The following CER1 variants were observed in gnomAD, a reference collection of about 807,000 sequenced individuals.
CER1 encodes cerberus.
In CER1, 10 loss-of-function variants were observed where a neutral mutation model predicts 11.8. The ratio of observed to expected loss-of-function variants is 0.85; its 90% CI spans 0.52 to 1.44. The LOEUF (loss-of-function observed/expected upper bound fraction) is 1.44, where lower values mean the gene tolerates loss of function less well. CER1 is among the 40% of genes most tolerant of loss of function. CER1 has a pLI of 0.00. For synonymous variants in CER1, 141 were observed against 122.3 expected, an observed-to-expected ratio of 1.15 and a Z score of -1.01; for missense variants, 431 against 327.0, an observed-to-expected ratio of 1.32 and a Z score of -2.45.
intron 1 of CER1, 89 bp from the exon 2 acceptor site, chr9:14,720,475 T>G (rs1253157290): frequency 5.4e-5 from 71 of 1,316,400 alleles, no homozygotes; most frequent in Non-Finnish European, 7.2e-5. Context: ...AATCTGAGGA[T>G]AATTTAAAAA....
downstream of CER1, among the ~76,000 whole-genome samples, chr9:14,719,485 T>G (rs1281391854): frequency 6.6e-6 from 1 of 152,064 alleles, no homozygotes; most frequent in Non-Finnish European, 1.5e-5. Context: ...TGAGAATCTT[T>G]CCTACAAATA....
At chr9:14,719,443 C>G (rs1839973539), downstream of CER1, among the ~76,000 whole-genome samples, 1 of 152,136 alleles carries the variant, frequency 6.6e-6, no homozygotes, top group African/African-American at 2.4e-5. Context: ...TCAAGTAAAA[C>G]ACTGTTTGGG....
chr9:14,717,434 G>A (rs569029639), downstream of CER1, among the ~76,000 whole-genome samples: 8 of 152,184 alleles, frequency 5.3e-5, no homozygotes, highest in East Asian at 1.5e-3. Context: ...AAAAATAGAA[G>A]GTCTGAACGG....
chr9:14,719,812 C>T lies in CER1; in HGVS notation c.*278G>A, dbSNP rs1839982397. ...TAGTGGAAAGGATTTTAGCAATCAT[C>T]TAGGTCGGGTCCGTCATTTATAGAT... On this transcript the variant is annotated 3_prime_UTR_variant, in exon 2 of 2. Transcript: ENST00000380911. 5.4e-6 allele frequency: 2 copies of T among 371,374 alleles called. No homozygotes were observed. The highest frequency in any genetic ancestry group is 1.0e-5 in the Non-Finnish European group (2 of 198,960). The allele number at this position is 371,374 out of a possible 1,614,324, so 23.0% of individuals were successfully genotyped here. A position where few individuals can be genotyped will look rare whatever the true frequency, so the allele number is the denominator to read the frequency against.
At position 14,720,130 on chromosome 9, in the gene CER1, G is replaced by T. The variant is rs1563780336; in HGVS notation, c.764C>A (p.Ala255Asp). Reference sequence around the variant, plus strand: ...TGGGATAAAGGAATCCTGGGAGCCAGCATGTAGGATGTGTCCATCTTCATG... The same window carrying T: ...TGGGATAAAGGAATCCTGGGAGCCATCATGTAGGATGTGTCCATCTTCATG... ...TEHEDGHILH[A>D]GSQDSFIPGV... The change falls in exon 2 of 2, where the codon GCT (alanine) becomes GAT (aspartate). Residue 255 changes from alanine to aspartate, a missense_variant. Ala to Asp is a moderately radical substitution (Grantham distance 126, BLOSUM62 -2). Coordinates refer to ENST00000380911, the MANE Select transcript of CER1 (RefSeq NM_005454.3). 4 of 1,614,086 alleles carry T rather than the reference G, an allele frequency of 2.5e-6. No individual in the cohort carries two copies. The highest frequency in any genetic ancestry group is 3.3e-4 in the Middle Eastern group (2 of 6,062).
rs1839984040 is a variant in CER1 at position 14,719,937 on chromosome 9, T to A, written c.*153A>T. On this transcript the variant is annotated 3_prime_UTR_variant, in exon 2 of 2. Transcript: ENST00000380911. The stretch of plus-strand genomic sequence containing the variant: ...CTCAAACGTGTACCAATAACTAGAC[T>A]AATATCATTTCCTCTATCGTTCTAA... The A allele has an allele frequency of 6.0e-6, 4 of 668,342 alleles. No homozygotes were observed. Among genetic ancestry groups the A allele is most frequent in the Non-Finnish European group, 1.0e-5 (4 of 392,644 alleles). 41.4% of individuals were successfully genotyped at this position (668,342 alleles called of 1,614,324 possible). A position where few individuals can be genotyped will look rare whatever the true frequency, so the allele number is the denominator to read the frequency against.
At chr9:14,718,333 G>C (rs577178340), downstream of CER1, among the ~76,000 whole-genome samples, 1 of 152,288 alleles carries the variant, frequency 6.6e-6, no homozygotes, top group Admixed American at 6.5e-5. Flanking sequence ...CATGACAGCT[G>C]TTTGATAGCT....
Position 14,720,281 on chromosome 9 carries a change from A to T in CER1, c.613T>A (p.Ser205Thr). ...TTGGCAGGCAAACAGTGAGAGCAGGAGGTATGGGAGTGCTGCGCGGCTCCA... is the reference window on the plus strand; with the variant it reads ...TTGGCAGGCAAACAGTGAGAGCAGGTGGTATGGGAGTGCTGCGCGGCTCCA... ...FPGAAQHSHT[S>T]CSHCLPAKFT... Residue 205 changes from serine (S) to threonine (T), a missense_variant, in exon 2 of 2, where the codon TCC (serine) becomes ACC (threonine). Transcript: ENST00000380911. 1 of 1,614,122 alleles carries T rather than the reference A, an allele frequency of 6.2e-7. No individual in the cohort carries two copies. The highest frequency in any genetic ancestry group is 1.7e-5 in the Admixed American group (1 of 60,018).
downstream of CER1, among the ~76,000 whole-genome samples, chr9:14,717,394 G>A (rs1563779348): frequency 6.6e-6 from 1 of 151,966 alleles, no homozygotes; most frequent in Non-Finnish European, 1.5e-5. Flanking sequence ...GCGCTTTTCC[G>A]TGTGTTTTCA....
intron 1 of CER1, among the ~76,000 whole-genome samples, chr9:14,721,812 A>G (rs562954869): frequency 1.3e-5 from 2 of 152,298 alleles, no homozygotes; most frequent in African/African-American, 4.8e-5. Flanking sequence ...TGATTACTCT[A>G]AATTCTCAGT....
In CER1 at chr9:14,722,501, C is replaced by G; in HGVS notation, c.172G>C (p.Val58Leu). The stretch of plus-strand genomic sequence containing the variant: ...GTGGCTACAAGGTGTGGCACTGCGA[C>G]AAACAGATCTGGCTTCTCCTCAGCT... ...EEAEEKPDLF[V>L]AVPHLVATSP... is the part of the protein sequence containing the mutation. Residue 58 changes from valine to leucine, a missense_variant, in exon 1 of 2, where the codon GTC becomes CTC. Coordinates refer to ENST00000380911, the MANE Select transcript of CER1 (RefSeq NM_005454.3). The G allele has an allele frequency of 6.2e-7, 1 of 1,614,212 alleles. No homozygotes were observed. The highest frequency in any genetic ancestry group is 1.1e-5 in the South Asian group (1 of 91,080).
At chr9:14,717,766 T>A (rs561387124), downstream of CER1, among the ~76,000 whole-genome samples, 13 of 152,318 alleles carry the variant, frequency 8.5e-5, no homozygotes, top group African/African-American at 3.1e-4. Flanking sequence ...GAGTTCAATA[T>A]AAACTGACAA....
rs138557355 is a variant in CER1, at chr9:14,722,328, C to T, written c.345G>A (p.Pro115=). 2.2e-5 allele frequency: 35 copies of T among 1,614,024 alleles called. No individual in the cohort carries two copies. The highest frequency in any genetic ancestry group is 3.3e-4 in the Middle Eastern group (2 of 6,084). ...ATTTCTCCATTTTCATTCCATCTAT[C>T]GGCTGGATGAGGGACTGGGTCCCAG... is the stretch of plus-strand genomic sequence containing the variant. ...FPPGTQSLIQ[P]IDGMKMEKSP... is the part of the protein sequence containing the mutation. The change falls in exon 1 of 2, where the codon CCG becomes CCA. Residue 115 remains proline (P), a synonymous_variant. Transcript: ENST00000380911.
chr9:14,721,655 A>G (rs372546790), intron 1 of CER1, among the ~76,000 whole-genome samples: 4 of 152,178 alleles, frequency 2.6e-5, no homozygotes, highest in South Asian at 4.1e-4. Context: ...GTAATTAAGT[A>G]TGGACTATGG....
chr9:14,717,712 T>TA (rs1276583982), downstream of CER1, among the ~76,000 whole-genome samples: 8 of 152,162 alleles, frequency 5.3e-5, no homozygotes, highest in Non-Finnish European at 1.2e-4. Context: ...AGGTAAGTGG[T>TA]AAAAAGAAAT....
downstream of CER1, among the ~76,000 whole-genome samples, chr9:14,718,800 G>A (rs1027599498): frequency 2.6e-5 from 4 of 152,156 alleles, no homozygotes; most frequent in African/African-American, 9.7e-5. Context: ...GGAGAGAGGT[G>A]ATTGAGAGAC....
At chr9:14,720,425 T>C in intron 1 of CER1, 39 bp from the exon 2 acceptor site, 1 of 1,562,920 alleles carries the variant, frequency 6.4e-7, no homozygotes, top group Non-Finnish European at 8.8e-7. Flanking sequence ...TATTTTGAAT[T>C]ATTTCTTTAA....
At position 14,720,195 on chromosome 9, in the gene CER1, C is replaced by T. The variant is rs61759465; in HGVS notation, c.699G>A (p.Val233=). 22,941 of 1,614,166 alleles carry T rather than the reference C, an allele frequency of 0.014. 219 individuals are homozygous for T. The highest frequency in any genetic ancestry group is 0.016 in the Non-Finnish European group (18,971 of 1,180,030). The part of the protein sequence containing the change: ...CTELSSVIKV[V]MLVEECQCKV... ...TGCACTGGCACTCCTCCACCAGCAT[C>T]ACCACCTTGATCACGGAGGAAAGTT... The change falls in exon 2 of 2, where the codon GTG becomes GTA. Residue 233 remains valine (V), a synonymous_variant. Transcript: ENST00000380911.
downstream of CER1, among the ~76,000 whole-genome samples, chr9:14,719,473 T>C (rs1446256803): frequency 1.3e-5 from 2 of 152,108 alleles, no homozygotes; most frequent in South Asian, 4.1e-4. Flanking sequence ...TAACTATAAG[T>C]ATGAGAATCT....
Sources: allele counts gnomAD v4.1 joint callset (sites outside exome capture counted in the v4.1 genomes callset), GRCh38; gene constraint gnomAD v4.1.1; transcripts MANE v1.5; gene names NCBI Gene and HGNC (gene_info 2026-07-23, HGNC 2026-07-21).